Variants in ANKS1B observed in about 807,000 individuals in gnomAD.
ANKS1B encodes the protein ankyrin repeat and sterile alpha motif domain-containing protein 1B.
In ANKS1B, 36 loss-of-function variants were observed where a neutral mutation model predicts 148.3. The ratio of observed to expected loss-of-function variants is 0.24; its 90% CI spans 0.19 to 0.32. The LOEUF is 0.32. Among genes scored for constraint, ANKS1B ranks in the 10% least tolerant of loss-of-function variants. The pLI, the probability that ANKS1B is intolerant of heterozygous loss-of-function variation, is 1.00. For synonymous variants in ANKS1B, 542 were observed against 560.8 expected, an observed-to-expected ratio of 0.97 and a Z score of 0.47; for missense variants, 1,157 against 1,542.6, an observed-to-expected ratio of 0.75 and a Z score of 4.19.
intron 9 of ANKS1B, among the ~76,000 whole-genome samples, chr12:99,549,930 C>T (rs2097202933): frequency 6.6e-6 from 1 of 152,192 alleles, no homozygotes; most frequent in Non-Finnish European, 1.5e-5. Context: ...CACTGTCCAC[C>T]CCATTTCACA....
At chr12:98,948,070 A>C (rs1372465264) in intron 17 of ANKS1B, among the ~76,000 whole-genome samples, 1 of 151,950 alleles carries the variant, frequency 6.6e-6, no homozygotes, top group Non-Finnish European at 1.5e-5. Flanking sequence ...TAAAAAAAAA[A>C]CCCTTGGAAA....
intron 10 of ANKS1B, among the ~76,000 whole-genome samples, chr12:99,480,634 A>C (rs2096396049): frequency 6.6e-6 from 1 of 151,904 alleles, no homozygotes; most frequent in South Asian, 2.1e-4. Flanking sequence ...GTCTCATGTC[A>C]CATGACTTAC....
chr12:98,783,549 G>T (rs577693094), intron 22 of ANKS1B, among the ~76,000 whole-genome samples: 15 of 152,106 alleles, frequency 9.9e-5, no homozygotes, highest in Non-Finnish European at 1.9e-4. Context: ...GACAGAGTGG[G>T]GCCAGTCTTC....
intron 12 of ANKS1B, among the ~76,000 whole-genome samples, chr12:99,274,817 G>T (rs1007151281): frequency 1.3e-5 from 2 of 152,144 alleles, no homozygotes; most frequent in African/African-American, 4.8e-5. Context: ...GATGGGACTG[G>T]GGTCAATGCA....
intron 9 of ANKS1B, among the ~76,000 whole-genome samples, chr12:99,523,542 A>C (rs1229583876): frequency 6.7e-6 from 1 of 148,844 alleles, no homozygotes; most frequent in South Asian, 2.1e-4. Context: ...GATCTATACA[A>C]GGCATCTTCT....
chr12:99,378,547 C>G (rs1371806361), intron 12 of ANKS1B, among the ~76,000 whole-genome samples: 1 of 150,454 alleles, frequency 6.6e-6, no homozygotes, highest in Non-Finnish European at 1.5e-5. Context: ...CTCAGCTACC[C>G]AGGAGGCTGA....
intron 9 of ANKS1B, among the ~76,000 whole-genome samples, chr12:99,642,097 A>G (rs377231493): frequency 4.2e-4 from 64 of 152,326 alleles, no homozygotes; most frequent in Middle Eastern, 6.8e-3. Flanking sequence ...CATCATCATC[A>G]TAAGGCTTTC....
intron 12 of ANKS1B, among the ~76,000 whole-genome samples, chr12:99,266,889 G>C (rs974939329): frequency 6.6e-6 from 1 of 152,142 alleles, no homozygotes; most frequent in South Asian, 2.1e-4. Context: ...CTTGATGTTT[G>C]CTAGGTAGCT....
At chr12:99,359,833 C>A (rs2092336348) in intron 12 of ANKS1B, among the ~76,000 whole-genome samples, 1 of 152,092 alleles carries the variant, frequency 6.6e-6, no homozygotes, top group Non-Finnish European at 1.5e-5. Context: ...TTAATTATTT[C>A]TGTTTATTTT....
At chr12:99,689,784 T>C (rs1274351215) in intron 8 of ANKS1B, among the ~76,000 whole-genome samples, 4 of 152,104 alleles carry the variant, frequency 2.6e-5, no homozygotes. Flanking sequence ...GAGGCCTCAG[T>C]TCTACAACCT....
In ANKS1B at chr12:98,820,570, C is replaced by T. The variant is rs1031883089; in HGVS notation, c.3066+8604G>A. On this transcript the variant is annotated intron_variant, in intron 19 of 26. Coordinates refer to ENST00000683438, the MANE Select transcript of ANKS1B (RefSeq NM_001352186.2). ...TTTTAGAGGAATTAAAAAATGACTA[C>T]GGAAGAGTGAGGCATTGCCCCCACA... Among the ~76,000 whole-genome samples, 15 of 152,200 alleles carry T rather than the reference C, an allele frequency of 9.9e-5. 1 individual carries two copies. Among genetic ancestry groups the T allele is most frequent in the East Asian group, 1.9e-4 (1 of 5,182 alleles).
chr12:99,811,775 C>A (rs2068403513), intron 3 of ANKS1B, among the ~76,000 whole-genome samples: 2 of 151,916 alleles, frequency 1.3e-5, no homozygotes, highest in Admixed American at 1.3e-4. Flanking sequence ...AAGCATTATG[C>A]AAATGATAGG....
intron 12 of ANKS1B, among the ~76,000 whole-genome samples, chr12:99,274,625 A>T (rs2077458654): frequency 6.6e-6 from 1 of 152,138 alleles, no homozygotes; most frequent in Non-Finnish European, 1.5e-5. Context: ...CACTTTCACT[A>T]ACACTTTTTC....
At chr12:99,314,136 G>A (rs891406241) in intron 12 of ANKS1B, among the ~76,000 whole-genome samples, 7 of 152,080 alleles carry the variant, frequency 4.6e-5, no homozygotes, top group Admixed American at 3.3e-4. Context: ...GACAAGCAGA[G>A]AGCCAAATAA....
intron 1 of ANKS1B, among the ~76,000 whole-genome samples, chr12:99,938,026 G>T (rs2094824045): frequency 6.6e-6 from 1 of 152,076 alleles, no homozygotes; most frequent in South Asian, 2.1e-4. Flanking sequence ...ATGCACCATT[G>T]TGATCCCTCC....
intron 4 of ANKS1B, among the ~76,000 whole-genome samples, chr12:99,795,379 G>C (rs2066127366): frequency 2.0e-5 from 3 of 151,464 alleles, no homozygotes. Flanking sequence ...TGTGACAAGA[G>C]AAAAAAAATC....
chr12:99,502,913 A>G (rs553701441), intron 10 of ANKS1B, among the ~76,000 whole-genome samples: 1 of 152,282 alleles, frequency 6.6e-6, no homozygotes, highest in East Asian at 1.9e-4. Context: ...CTAGACTATT[A>G]CGTATAATGG....
At chr12:98,863,305 C>A (rs971801044) in intron 17 of ANKS1B, among the ~76,000 whole-genome samples, 4 of 152,182 alleles carry the variant, frequency 2.6e-5, no homozygotes, top group African/African-American at 7.2e-5. Context: ...TGCAGCTCGG[C>A]TGGATCCCAG....
intron 25 of ANKS1B, among the ~76,000 whole-genome samples, chr12:98,764,044 C>T (rs1209538545): frequency 6.6e-6 from 1 of 152,212 alleles, no homozygotes; most frequent in Admixed American, 6.5e-5. Flanking sequence ...GGCTGGCCAG[C>T]AGCCCTGTCA....
Sources: gnomAD v4.1 joint callset for allele counts (sites outside exome capture counted in the v4.1 genomes callset) on GRCh38, gnomAD v4.1.1 for gene constraint, MANE v1.5 for transcripts, NCBI Gene and HGNC (gene_info 2026-07-23, HGNC 2026-07-21) for gene names.